The following ZNF407 variants were observed in gnomAD, a reference collection of about 807,000 sequenced individuals.
The protein encoded by ZNF407 is zinc finger protein 407.
In ZNF407, 17 loss-of-function variants were observed where a neutral mutation model predicts 131.2. The ratio of observed to expected loss-of-function variants is 0.13; its 90% CI spans 0.09 to 0.19. ZNF407 has a LOEUF of 0.19. ZNF407 is among the 10% of genes least tolerant of loss of function. ZNF407 has a pLI of 1.00. For synonymous variants in ZNF407, 1,156 were observed against 1,062.0 expected (o/e 1.09, Z -1.72); for missense variants, 2,681 against 2,830.6 (o/e 0.95, Z 1.20).
intron 8 of ZNF407, among the ~76,000 whole-genome samples, chr18:74,943,899 AAC>A (rs1972127370): frequency 2.6e-5 from 4 of 152,154 alleles, no homozygotes; most frequent in African/African-American, 7.2e-5. Context: ...CGTTCTACTG[AAC>A]AGTTTTCCCC....
At chr18:75,059,407 T>G (rs1973598584) in intron 8 of ZNF407, among the ~76,000 whole-genome samples, 1 of 152,208 alleles carries the variant, frequency 6.6e-6, no homozygotes, top group East Asian at 1.9e-4. Flanking sequence ...GTATGTCCTT[T>G]TCTGTAATTA....
At chr18:74,772,231 A>C (rs1264438285) in intron 3 of ZNF407, among the ~76,000 whole-genome samples, 1 of 152,202 alleles carries the variant, frequency 6.6e-6, no homozygotes, top group African/African-American at 2.4e-5. Context: ...GCCATTGAGG[A>C]GACATATAAA....
intron 8 of ZNF407, among the ~76,000 whole-genome samples, chr18:75,049,192 C>A (rs17177260): frequency 0.13 from 20,368 of 151,296 alleles, 1,409 homozygotes; most frequent in South Asian, 0.21. Context: ...ATTCAAATAT[C>A]TGGTAATTGC....
chr18:74,765,112 T>G (rs981019227), intron 3 of ZNF407, among the ~76,000 whole-genome samples: 8 of 152,150 alleles, frequency 5.3e-5, no homozygotes, highest in Admixed American at 5.2e-4. Flanking sequence ...GACTTGAGCA[T>G]GGATGGAGTT....
intron 1 of ZNF407, among the ~76,000 whole-genome samples, chr18:74,605,576 A>G (rs1982768906): frequency 6.6e-6 from 1 of 152,180 alleles, no homozygotes; most frequent in Non-Finnish European, 1.5e-5. Context: ...AAATCATAGG[A>G]AGTTTGTTTC....
At chr18:75,036,964 G>T (rs979371032) in intron 8 of ZNF407, among the ~76,000 whole-genome samples, 1 of 152,178 alleles carries the variant, frequency 6.6e-6, no homozygotes, top group African/African-American at 2.4e-5. Context: ...AGAACTACGC[G>T]GATTGTCTTT....
At chr18:74,646,239 T>A (rs1381320830) in intron 3 of ZNF407, among the ~76,000 whole-genome samples, 1 of 152,186 alleles carries the variant, frequency 6.6e-6, no homozygotes. Context: ...GGAATTGCAT[T>A]TTTAGCTGAA....
chr18:74,949,371 C>CT (rs935678533), intron 8 of ZNF407, among the ~76,000 whole-genome samples: 7 of 152,146 alleles, frequency 4.6e-5, no homozygotes. Flanking sequence ...AAAGAAACAA[C>CT]TTTATATTAA....
At chr18:74,879,419 A>G (rs1267871914) in intron 5 of ZNF407, among the ~76,000 whole-genome samples, 1 of 152,184 alleles carries the variant, frequency 6.6e-6, no homozygotes, top group Non-Finnish European at 1.5e-5. Context: ...ACCCGCAACG[A>G]GGAATTGATT....
chr18:74,684,362 T>A (rs1252628983), intron 3 of ZNF407, among the ~76,000 whole-genome samples: 1 of 152,194 alleles, frequency 6.6e-6, no homozygotes, highest in East Asian at 1.9e-4. Flanking sequence ...TTAGATTGAA[T>A]TTCAAAAGTT....
At chr18:75,041,059 G>A (rs1973366828) in intron 8 of ZNF407, among the ~76,000 whole-genome samples, 1 of 152,156 alleles carries the variant, frequency 6.6e-6, no homozygotes, top group African/African-American at 2.4e-5. Flanking sequence ...ATGCACTACG[G>A]GGCACTTGGT....
chr18:74,774,674 A>G (rs1233313620), intron 3 of ZNF407, among the ~76,000 whole-genome samples: 1 of 152,214 alleles, frequency 6.6e-6, no homozygotes, highest in Non-Finnish European at 1.5e-5. Context: ...CTATACAAAT[A>G]AAGAAAACGA....
chr18:74,635,095 C>G lies in ZNF407; in HGVS notation c.4076C>G (p.Ser1359Cys), dbSNP rs772230269. The G allele has an allele frequency of 1.9e-6, 3 of 1,613,850 alleles. No homozygotes were observed. In the Admixed American group the frequency reaches 5.0e-5, roughly 27 times the overall value. The stretch of plus-strand genomic sequence containing the variant: ...TACAGTTTTGGTCGATTTGACTCCT[C>G]CATAATAAGAATAAAGAACCCTGAA... ...AMYSFGRFDSSIIRIKNPEDG... is the reference protein window; with the variant it reads ...AMYSFGRFDSCIIRIKNPEDG... Residue 1359 changes from serine (S) to cysteine (C), a missense_variant, in exon 2 of 9, where the codon TCC becomes TGC. By Grantham distance (112) the Ser-to-Cys change is moderately radical. This residue lies in a region of ZNF407 where 1,789 missense variants were observed against 1,748.7 expected (regional missense o/e 1.02). Coordinates refer to ENST00000299687, the MANE Select transcript of ZNF407 (RefSeq NM_017757.3). This position sits in a 1 kb window ranked among gnomAD's most constrained non-coding sequence, Gnocchi z 4.7.
chr18:74,976,832 G>A (rs1205070911), intron 8 of ZNF407, among the ~76,000 whole-genome samples: 3 of 152,292 alleles, frequency 2.0e-5, no homozygotes, highest in South Asian at 2.1e-4. Context: ...GTGGGTTTCC[G>A]ATATGGAACA....
intron 3 of ZNF407, among the ~76,000 whole-genome samples, chr18:74,717,444 T>G (rs904418126): frequency 1.3e-5 from 2 of 152,208 alleles, no homozygotes; most frequent in Non-Finnish European, 2.9e-5. Flanking sequence ...TAAAATTCAC[T>G]TATTTCTCAC....
chr18:74,948,208 C>T (rs1360374324), intron 8 of ZNF407, among the ~76,000 whole-genome samples: 1 of 152,172 alleles, frequency 6.6e-6, no homozygotes, highest in Non-Finnish European at 1.5e-5. Flanking sequence ...ATCCTTTGTA[C>T]AGCGATTGTC....
chr18:74,609,268 T>C (rs1369720712), intron 1 of ZNF407, among the ~76,000 whole-genome samples: 1 of 152,178 alleles, frequency 6.6e-6, no homozygotes, highest in Non-Finnish European at 1.5e-5. Context: ...GCAGGGGGGA[T>C]ACATTCTTGA....
intron 1 of ZNF407, among the ~76,000 whole-genome samples, chr18:74,620,949 A>T (rs1442274672): frequency 3.9e-5 from 6 of 152,196 alleles, no homozygotes; most frequent in East Asian, 1.9e-4. Context: ...GGAACACATG[A>T]TCAGTTACCT....
intron 7 of ZNF407, among the ~76,000 whole-genome samples, chr18:74,916,257 C>T (rs1971759459): frequency 9.1e-6 from 1 of 110,058 alleles, no homozygotes; most frequent in Non-Finnish European, 1.7e-5. Flanking sequence ...TTGTGTGAAG[C>T]ATTGGTTCGA....
Sources: allele counts gnomAD v4.1 joint callset (sites outside exome capture counted in the v4.1 genomes callset), GRCh38; gene constraint gnomAD v4.1.1; regional missense constraint gnomAD v4.1.1; non-coding constraint Gnocchi (gnomAD v3.1); transcripts MANE v1.5; gene names NCBI Gene and HGNC (gene_info 2026-07-23, HGNC 2026-07-21).